APBA2: variants seen among roughly 807,000 people sequenced by gnomAD.
The protein encoded by APBA2 is amyloid beta precursor protein binding family A member 2.
A neutral mutation model predicts 75.0 loss-of-function variants in APBA2; 30 were observed. That is an observed-to-expected ratio of 0.40 (90% CI 0.30 to 0.54). APBA2 has a LOEUF of 0.54. Among genes scored for constraint, APBA2 ranks in the 20% least tolerant of loss-of-function variants. The pLI is 0.49. For synonymous variants in APBA2, 444 were observed against 409.6 expected (o/e 1.08, Z -1.01); for missense variants, 801 against 1,016.1 (o/e 0.79, Z 2.88).
intron 8 of APBA2, among the ~76,000 whole-genome samples, chr15:29,096,561 G>A (rs571850168): frequency 2.0e-5 from 3 of 152,344 alleles, no homozygotes; most frequent in Admixed American, 6.5e-5. Context: ...CCGCGGCTGC[G>A]GATTGTCAGC....
chr15:29,060,310 G>A (rs2042076498), intron 4 of APBA2, among the ~76,000 whole-genome samples: 3 of 152,210 alleles, frequency 2.0e-5, no homozygotes, highest in Admixed American at 1.3e-4. Flanking sequence ...GAGGGAGCTA[G>A]GGTTAGTCCC....
intron 1 of APBA2, among the ~76,000 whole-genome samples, chr15:28,904,802 A>G (rs1464891594): frequency 6.6e-6 from 1 of 152,220 alleles, no homozygotes; most frequent in Non-Finnish European, 1.5e-5. Context: ...GAGGAAATCA[A>G]GAACGTGTGG....
intron 4 of APBA2, among the ~76,000 whole-genome samples, chr15:29,056,925 G>A (rs2041925893): frequency 6.6e-6 from 1 of 151,960 alleles, no homozygotes; most frequent in African/African-American, 2.4e-5. Context: ...TATGAAGGAT[G>A]TGCACTGGGA....
chr15:28,902,344 G>T (rs944475360), intron 1 of APBA2, among the ~76,000 whole-genome samples: 1 of 152,118 alleles, frequency 6.6e-6, no homozygotes, highest in Non-Finnish European at 1.5e-5. Flanking sequence ...ACAAATTCCA[G>T]TTGAGGGGCA....
chr15:29,090,907 G>T (rs1189895175), intron 6 of APBA2, among the ~76,000 whole-genome samples: 1 of 152,178 alleles, frequency 6.6e-6, no homozygotes, highest in Admixed American at 6.5e-5. Flanking sequence ...TGGCGAGCCT[G>T]TGGCAGCCAG....
At chr15:29,111,318 C>T (rs2044718033) in intron 13 of APBA2, among the ~76,000 whole-genome samples, 1 of 152,040 alleles carries the variant, frequency 6.6e-6, no homozygotes, top group Admixed American at 6.5e-5. Context: ...TCTGGCTCTG[C>T]CTCCCTGTCT....
intron 3 of APBA2, among the ~76,000 whole-genome samples, chr15:29,018,533 G>C (rs2039793553): frequency 6.6e-6 from 1 of 152,208 alleles, no homozygotes; most frequent in South Asian, 2.1e-4. Context: ...ATCAGGGCTG[G>C]GACAGGAAGC....
At chr15:28,913,342 G>C (rs542682040) in intron 1 of APBA2, among the ~76,000 whole-genome samples, 1 of 152,114 alleles carries the variant, frequency 6.6e-6, no homozygotes, top group Non-Finnish European at 1.5e-5. Flanking sequence ...ACCTTGCTGC[G>C]ACCACCAGGC....
intron 1 of APBA2, among the ~76,000 whole-genome samples, chr15:28,898,680 G>C (rs1160475230): frequency 6.6e-6 from 1 of 152,096 alleles, no homozygotes; most frequent in Non-Finnish European, 1.5e-5. Context: ...GAACTTTTCT[G>C]TATGTATATA....
intron 8 of APBA2, among the ~76,000 whole-genome samples, chr15:29,096,229 G>T (rs1425082287): frequency 6.6e-6 from 1 of 152,184 alleles, no homozygotes; most frequent in Admixed American, 6.5e-5. Context: ...CTGTTCTCTG[G>T]TGTCTGTAGG....
At chr15:28,956,046 C>T (rs1234841740) in intron 2 of APBA2, among the ~76,000 whole-genome samples, 2 of 152,314 alleles carry the variant, frequency 1.3e-5, no homozygotes, top group South Asian at 2.1e-4. Context: ...ACATCACATC[C>T]GGTCCAGCTC....
At chr15:28,911,848 C>T (rs1283894429) in intron 1 of APBA2, among the ~76,000 whole-genome samples, 1 of 152,120 alleles carries the variant, frequency 6.6e-6, no homozygotes. Flanking sequence ...GATGCTTCCT[C>T]GCTATTACCA....
intron 3 of APBA2, among the ~76,000 whole-genome samples, chr15:29,016,849 C>T (rs1332937269): frequency 6.6e-6 from 1 of 152,150 alleles, no homozygotes; most frequent in African/African-American, 2.4e-5. Flanking sequence ...TTCTCTCTCC[C>T]TGCATTTTGT....
chr15:29,039,766 T>C (rs2040940331), intron 3 of APBA2, among the ~76,000 whole-genome samples: 1 of 152,200 alleles, frequency 6.6e-6, no homozygotes, highest in South Asian at 2.1e-4. Flanking sequence ...TTTAACTTAA[T>C]GTACCTCCCC....
At chr15:29,026,340 C>A (rs938469270) in intron 3 of APBA2, among the ~76,000 whole-genome samples, 1 of 152,136 alleles carries the variant, frequency 6.6e-6, no homozygotes, top group Non-Finnish European at 1.5e-5. Flanking sequence ...GTGCATTTAC[C>A]CTACAGCTGG....
rs1032971908 is a variant in APBA2 at position 29,046,526 on chromosome 15, T to C, written c.-40-7319T>C. 6.6e-6 allele frequency among the ~76,000 whole-genome samples: 1 copy of C among 152,102 alleles called. No individual in the cohort carries two copies. Among genetic ancestry groups the C allele is most frequent in the Non-Finnish European group, 1.5e-5 (1 of 68,022 alleles). Reference sequence around the variant, plus strand: ...GGCCTTGTATTTGTTGACAAGGAGGTCAGATCCATTCCCTGGGCCGTCATC... The same window carrying C: ...GGCCTTGTATTTGTTGACAAGGAGGCCAGATCCATTCCCTGGGCCGTCATC... On this transcript the variant is annotated intron_variant, in intron 3 of 14. Transcript: ENST00000683413. The surrounding 1 kb of genome is among the most constrained non-coding windows in gnomAD (Gnocchi z 5.0).
Position 28,955,004 on chromosome 15 carries a change from C to T in APBA2, c.-95+33255C>T, listed in dbSNP as rs370421912. Among the ~76,000 whole-genome samples the T allele has an allele frequency of 2.1e-3, 317 of 152,200 alleles. 3 individuals carry two copies. The highest frequency in any genetic ancestry group is 7.3e-3 in the African/African-American group (303 of 41,526). On this transcript the variant is annotated intron_variant, in intron 2 of 14. Transcript: ENST00000683413. The stretch of plus-strand genomic sequence containing the variant: ...CAGAGAGCAGGGCCAGAGGCATAGC[C>T]GGCCCACCCCCAGCCCCATTGCTCA...
chr15:28,986,554 A>G (rs1229622155), intron 2 of APBA2, among the ~76,000 whole-genome samples: 2 of 152,168 alleles, frequency 1.3e-5, no homozygotes, highest in African/African-American at 2.4e-5. Context: ...GCTGAAGTGC[A>G]GTGGTATGAT....
intron 2 of APBA2, among the ~76,000 whole-genome samples, chr15:28,949,733 T>C (rs2035749535): frequency 6.6e-6 from 1 of 152,182 alleles, no homozygotes. Flanking sequence ...CCTCCCAAAG[T>C]GCTGGGATTT....
Sources: gnomAD v4.1 joint callset for allele counts (sites outside exome capture counted in the v4.1 genomes callset) on GRCh38, gnomAD v4.1.1 for gene constraint, Gnocchi (gnomAD v3.1) non-coding constraint, MANE v1.5 for transcripts, NCBI Gene and HGNC (gene_info 2026-07-23, HGNC 2026-07-21) for gene names.